Variants in COL6A6 observed in about 807,000 individuals in gnomAD.
COL6A6 encodes collagen alpha-6(VI) chain.
COL6A6 carries 183 observed loss-of-function variants against 208.6 expected under a neutral mutation model. That is an observed-to-expected ratio of 0.88 (90% CI 0.78 to 0.99). The LOEUF (loss-of-function observed/expected upper bound fraction) is 0.99. Ranked by LOEUF, COL6A6 falls within the 50% of genes least tolerant of loss-of-function variation. COL6A6 has a pLI of 0.00. For missense variants in COL6A6, 2,816 were observed against 2,815.2 expected, an observed-to-expected ratio of 1.00 and a Z score of -0.01; for synonymous variants, 973 against 1,011.8, an observed-to-expected ratio of 0.96 and a Z score of 0.73.
chr3:130,640,718 G>C (rs1034243900), intron 28 of COL6A6, among the ~76,000 whole-genome samples: 1 of 152,030 alleles, frequency 6.6e-6, no homozygotes, highest in Admixed American at 6.6e-5. Flanking sequence ...TTGAATGCAC[G>C]TGAAAATATT....
In COL6A6 at chr3:130,621,856, A is replaced by C; in HGVS notation, c.4851A>C (p.Gln1617His). The C allele has an allele frequency of 6.2e-7, 1 of 1,613,934 alleles. No homozygotes were observed. Among genetic ancestry groups the C allele is most frequent in the Non-Finnish European group, 8.5e-7 (1 of 1,179,832 alleles). The change falls in exon 24 of 37, where the codon CAA becomes CAC. Residue 1617 changes from glutamine (Q) to histidine (H), a missense_variant. Physicochemically the swap from Gln to His is conservative, Grantham distance 24. Transcript: ENST00000358511. ...GACCCGGAGGAGAGGCAGGGAATCAAGGCCGTTTGGGAAGCCAAGGAAATA... is the reference window on the plus strand; with the variant it reads ...GACCCGGAGGAGAGGCAGGGAATCACGGCCGTTTGGGAAGCCAAGGAAATA... ...PPGPGGEAGN[Q>H]GRLGSQGNKG... is the part of the protein sequence containing the mutation.
Position 130,587,591 on chromosome 3 carries a change from A to G in COL6A6, c.4125+931A>G, listed in dbSNP as rs188719521. On this transcript the variant is annotated intron_variant, in intron 11 of 36. Transcript: ENST00000358511. ...ACGAGAATTCAAACTCAAGTGGTAA[A>G]GTGTCAGCAAGCTCTGTGTGGCTCT... is the stretch of plus-strand genomic sequence containing the variant. Among the ~76,000 whole-genome samples the G allele has an allele frequency of 7.0e-4, 106 of 152,364 alleles. 1 individual carries two copies. The highest frequency in any genetic ancestry group is 2.5e-3 in the African/African-American group (104 of 41,586).
Position 130,567,161 on chromosome 3 carries a change from G to C in COL6A6, c.1742G>C (p.Arg581Thr). ...AAGGAGGCCAACCAAACACAGCTGA[G>C]AGAAATTGCAGGAGAGGAAAAGAGA... Reference protein sequence around the residue: ...GIKEANQTQLREIAGEEKRVY... With the variant: ...GIKEANQTQLTEIAGEEKRVY... Residue 581 changes from arginine to threonine, a missense_variant, in exon 5 of 37, where the codon AGA becomes ACA. Coordinates refer to ENST00000358511, the MANE Select transcript of COL6A6 (RefSeq NM_001102608.3). The C allele has an allele frequency of 6.2e-7, 1 of 1,613,858 alleles. No homozygotes were observed. Among genetic ancestry groups the C allele is most frequent in the African/African-American group, 1.3e-5 (1 of 75,038 alleles).
At chr3:130,645,538 A>G (rs1192088883) in intron 32 of COL6A6, among the ~76,000 whole-genome samples, 1 of 152,152 alleles carries the variant, frequency 6.6e-6, no homozygotes, top group Non-Finnish European at 1.5e-5. Flanking sequence ...TTGGCATCTC[A>G]AAGTGCTGGG....
At position 130,570,811 on chromosome 3, in the gene COL6A6, C is replaced by T; in HGVS notation, c.2402-7C>T. On this transcript the variant is annotated splice_region_variant and splice_polypyrimidine_tract_variant and intron_variant, in intron 6 of 36. Coordinates refer to ENST00000358511, the MANE Select transcript of COL6A6 (RefSeq NM_001102608.3). ...TCATATGGTTTACCTCTCTCTTCCT[C>T]TTTCAGAATGCAAGCGGATTGAAGT... is the stretch of plus-strand genomic sequence containing the variant. 6.2e-7 allele frequency: 1 copy of T among 1,602,652 alleles called. No individual in the cohort carries two copies. Among genetic ancestry groups the T allele is most frequent in the East Asian group, 2.2e-5 (1 of 44,840 alleles).
Position 130,581,652 on chromosome 3 carries a change from C to T in COL6A6, c.3639C>T (p.Tyr1213=), listed in dbSNP as rs1242565675. The T allele has an allele frequency of 6.2e-7, 1 of 1,613,984 alleles. No individual in the cohort carries two copies. The highest frequency in any genetic ancestry group is 1.1e-5 in the South Asian group (1 of 91,078). The change falls in exon 9 of 37, where the codon TAC becomes TAT. Residue 1213 remains tyrosine, a synonymous_variant. Transcript: ENST00000358511. ...LLEGQPWMET[Y]LQDILRAISS... ...AAGGTCAGCCTTGGATGGAAACCTA[C>T]CTTCAAGACATCTTACGTGCCATCA... is the stretch of plus-strand genomic sequence containing the variant.
chr3:130,654,685 G>A (rs1482495173), intron 33 of COL6A6, among the ~76,000 whole-genome samples: 1 of 152,146 alleles, frequency 6.6e-6, no homozygotes. Context: ...GTTCCAGTAG[G>A]TTCATTTTGC....
chr3:130,557,779 C>G (rs16829374), intron 1 of COL6A6, among the ~76,000 whole-genome samples: 2 of 152,066 alleles, frequency 1.3e-5, no homozygotes, highest in South Asian at 4.1e-4. Context: ...TCTGAGACTC[C>G]GCGTTCTTAA....
rs185369616 is a variant in COL6A6 at position 130,661,210 on chromosome 3, C to T, written c.5831-427C>T. Among the ~76,000 whole-genome samples, 257 of 152,242 alleles carry T rather than the reference C, an allele frequency of 1.7e-3. 1 individual carries two copies. Among genetic ancestry groups the T allele is most frequent in the Middle Eastern group, 0.01 (3 of 294 alleles). On this transcript the variant is annotated intron_variant, in intron 34 of 36. Transcript: ENST00000358511. ...GAAATAAAAGATATATTACTTTGTT[C>T]ACTTTTACTTTGTAAGCACTTCTTC... is the stretch of plus-strand genomic sequence containing the variant.
chr3:130,581,614 CAG>C lies in COL6A6; in HGVS notation c.3603_3604del (p.Gln1201HisfsTer4). 6.2e-7 allele frequency: 1 copy of C among 1,613,698 alleles called. No individual in the cohort carries two copies. The highest frequency in any genetic ancestry group is 1.6e-4 in the Middle Eastern group (1 of 6,062). On this transcript the variant is annotated frameshift_variant, in exon 9 of 37. Coordinates refer to ENST00000358511, the MANE Select transcript of COL6A6 (RefSeq NM_001102608.3). LOFTEE classifies it high-confidence loss of function. ...GFDVSTQEKG[Q>X]TLLEGQPWME... ...TGATGTCTCAACTCAGGAGAAAGGG[CAG>C]ACTTTGCTTGAAGGTCAGCCTTGGA...
rs1312492242 is a variant in COL6A6 at position 130,634,215 on chromosome 3, A to T, written c.4993-375A>T. Among the ~76,000 whole-genome samples the T allele has an allele frequency of 4.9e-5, 6 of 122,062 alleles. 1 individual carries two copies. Among genetic ancestry groups the T allele is most frequent in the Admixed American group, 1.6e-4 (2 of 12,614 alleles). The allele number at this position is 122,062 out of a possible 152,430, so 80.1% of individuals were successfully genotyped here. A position where few individuals can be genotyped will look rare whatever the true frequency, so the allele number is the denominator to read the frequency against. ...GCTATAAAATGTTAAAAAAAAAAAT[A>T]AATAAATAAATAAATAAATAAATAA... On this transcript the variant is annotated intron_variant, in intron 26 of 36. Transcript: ENST00000358511.
At position 130,531,037 on chromosome 3, in the gene COL6A6, CAG is replaced by C. The variant is rs1157363769; in HGVS notation, c.-32+13642_-32+13643del. ...CTCTACACACACACACACACACACA[CAG>C]ACACACACACACACACACACAGTCT... On this transcript the variant is annotated intron_variant, in intron 1 of 36. Coordinates refer to ENST00000358511, the MANE Select transcript of COL6A6 (RefSeq NM_001102608.3). 4.9e-3 allele frequency among the ~76,000 whole-genome samples: 126 copies of C among 25,834 alleles called. 1 individual carries two copies. The highest frequency in any genetic ancestry group is 0.01 in the African/African-American group (114 of 11,200). 16.9% of individuals were successfully genotyped at this position (25,834 alleles called of 152,430 possible).
Position 130,574,306 on chromosome 3 carries a change from AC to A in COL6A6, c.3329del (p.Thr1110LysfsTer16). ...TGTPQVLLVL[T>X]DGQSQDEVAQ... ...TACCCCACAGGTGCTGCTGGTCCTT[AC>A]AGATGGCCAGTCCCAAGACGAGGTG... On this transcript the variant is annotated frameshift_variant, in exon 8 of 37. Transcript: ENST00000358511. LOFTEE classifies it high-confidence loss of function. 1 of 1,614,008 alleles carries A rather than the reference AC, an allele frequency of 6.2e-7. No individual in the cohort carries two copies. The highest frequency in any genetic ancestry group is 8.5e-7 in the Non-Finnish European group (1 of 1,179,886).
At chr3:130,620,435 C>G (rs2064675941) in intron 23 of COL6A6, among the ~76,000 whole-genome samples, 1 of 152,082 alleles carries the variant, frequency 6.6e-6, no homozygotes, top group Non-Finnish European at 1.5e-5. Flanking sequence ...GGAAAAGTTT[C>G]AAAGAACACA....
rs781678067 is a variant in COL6A6, at chr3:130,567,180, A to G, written c.1761A>G (p.Glu587=). The change falls in exon 5 of 37, where the codon GAA becomes GAG. Residue 587 remains glutamate, a synonymous_variant. Coordinates refer to ENST00000358511, the MANE Select transcript of COL6A6 (RefSeq NM_001102608.3). ...AGCTGAGAGAAATTGCAGGAGAGGA[A>G]AAGAGAGTGTATTACGTGCATGACT... ...QTQLREIAGE[E]KRVYYVHDFD... is the part of the protein sequence containing the mutation. 1.2e-6 allele frequency: 2 copies of G among 1,613,718 alleles called. No individual in the cohort carries two copies. Among genetic ancestry groups the G allele is most frequent in the South Asian group, 2.2e-5 (2 of 91,084 alleles).
Position 130,589,182 on chromosome 3 carries a change from G to C in COL6A6, c.4218G>C (p.Arg1406Ser). 6.2e-7 allele frequency: 1 copy of C among 1,610,626 alleles called. No individual in the cohort carries two copies. The highest frequency in any genetic ancestry group is 8.5e-7 in the Non-Finnish European group (1 of 1,176,904). ...TMGDPGPPGK[R>S]GPPGFKGSEG... ...GAGATCCTGGACCACCAGGGAAAAGGGTGATTTTAGCTCAGATTTATGGGT... is the reference window on the plus strand; with the variant it reads ...GAGATCCTGGACCACCAGGGAAAAGCGTGATTTTAGCTCAGATTTATGGGT... The change falls in exon 12 of 37, where the codon AGG becomes AGC. Residue 1406 changes from arginine to serine, a missense_variant and splice_region_variant. Arg to Ser is a moderately radical substitution (Grantham distance 110, BLOSUM62 -1). Transcript: ENST00000358511.
intron 1 of COL6A6, among the ~76,000 whole-genome samples, chr3:130,545,180 T>C (rs1292878225): frequency 6.6e-6 from 1 of 152,170 alleles, no homozygotes; most frequent in East Asian, 1.9e-4. Context: ...CTTTTATACA[T>C]TTTGAGTTGG....
At position 130,594,286 on chromosome 3, in the gene COL6A6, C is replaced by A. The variant is rs772349745; in HGVS notation, c.4476C>A (p.Ser1492Arg). The part of the protein sequence containing the change: ...GEKGDEGSQG[S>R]PGKRGTPGDR... ...CTGATTTGTATTAACTTTAGGGAAG[C>A]CCAGGGAAGAGAGGGACTCCTGGTG... is the stretch of plus-strand genomic sequence containing the variant. Residue 1492 changes from serine (S) to arginine (R), a missense_variant, in exon 18 of 37, where the codon AGC (serine) becomes AGA (arginine). Coordinates refer to ENST00000358511, the MANE Select transcript of COL6A6 (RefSeq NM_001102608.3). 1.2e-5 allele frequency: 20 copies of A among 1,611,508 alleles called. No individual in the cohort carries two copies. Among genetic ancestry groups the A allele is most frequent in the Admixed American group, 6.7e-5 (4 of 59,908 alleles).
At chr3:130,544,735 A>T (rs1235446579) in intron 1 of COL6A6, among the ~76,000 whole-genome samples, 1 of 152,148 alleles carries the variant, frequency 6.6e-6, no homozygotes, top group African/African-American at 2.4e-5. Context: ...TCCTAACAGG[A>T]GTGAGCTGAT....
Sources: gnomAD v4.1 joint callset for allele counts (sites outside exome capture counted in the v4.1 genomes callset) on GRCh38, gnomAD v4.1.1 for gene constraint, MANE v1.5 for transcripts, NCBI Gene and HGNC (gene_info 2026-07-23, HGNC 2026-07-21) for gene names.